The following RAD51D variants were observed in gnomAD, a reference collection of about 807,000 sequenced individuals.
The protein encoded by RAD51D is DNA repair protein RAD51 homolog 4.
RAD51D carries 38 observed loss-of-function variants against 44.1 expected under a neutral mutation model. The observed-to-expected ratio is 0.86, with a 90% CI of 0.67 to 1.13. RAD51D has a LOEUF of 1.13. RAD51D is among the 50% of genes most tolerant of loss of function. RAD51D has a pLI of 0.00. For synonymous variants in RAD51D, 141 were observed against 166.6 expected (o/e 0.85, Z 1.18); for missense variants, 390 against 414.0 (o/e 0.94, Z 0.50).
At chr17:35,117,078 C>T in intron 3 of RAD51D, 1 of 1,576,098 alleles carries the variant, frequency 6.3e-7, no homozygotes, top group Non-Finnish European at 8.6e-7. Flanking sequence ...GGCCAATCGG[C>T]TTCCTGTTCA....
chr17:35,097,196 T>C lies in RAD51D; in HGVS notation c.*3757A>G, dbSNP rs62062402. ...GTACAGTGGCACAATCTCGGCTCAC[T>C]GCAACCTCCATCTCCCAGGTTCAAG... On this transcript the variant is annotated 3_prime_UTR_variant, in exon 10 of 10. Coordinates refer to ENST00000345365, the MANE Select transcript of RAD51D (RefSeq NM_002878.4). 20,115 of 152,128 alleles carry C rather than the reference T, an allele frequency of 0.13. 1,450 individuals are homozygous for C. The highest frequency in any genetic ancestry group is 0.2 in the South Asian group (967 of 4,806). The allele number at this position is 152,128 out of a possible 1,614,324, so 9.4% of individuals were successfully genotyped here. A position where few individuals can be genotyped will look rare whatever the true frequency, so the allele number is the denominator to read the frequency against.
chr17:35,108,360 T>C (rs940911336), intron 3 of RAD51D, among the ~76,000 whole-genome samples: 3 of 151,840 alleles, frequency 2.0e-5, no homozygotes, highest in East Asian at 4.0e-4. Flanking sequence ...ACCTTAATAA[T>C]AACAACTGTA....
chr17:35,117,635 G>A (rs1051390522), intron 3 of RAD51D, among the ~76,000 whole-genome samples: 1 of 152,072 alleles, frequency 6.6e-6, no homozygotes, highest in Non-Finnish European at 1.5e-5. Context: ...GACTACAGGC[G>A]CCCGCCACCA....
rs786203974 is a variant in RAD51D at position 35,100,961 on chromosome 17, G to A, written c.979C>T (p.Gln327Ter). 6.2e-7 allele frequency: 1 copy of A among 1,611,816 alleles called. No individual in the cohort carries two copies. The highest frequency in any genetic ancestry group is 8.5e-7 in the Non-Finnish European group (1 of 1,177,934). Residue 327 changes from glutamine to a stop codon, truncating the protein, a stop_gained, in exon 10 of 10, where the codon CAG (glutamine) becomes TAG (stop). Transcript: ENST00000345365. LOFTEE classifies it high-confidence loss of function. ...CCAAACAACAGCACAGGTCATGTCT[G>A]ATCACCCTGTAATGTGGCACTCTGC... Reference protein sequence around the residue: ...SEQSATLQGDQT With the variant: ...SEQSATLQGD
rs1567728722 is a variant in RAD51D at position 35,107,409 on chromosome 17, T to A, written c.302A>T (p.Glu101Val). 1 of 1,565,376 alleles carries A rather than the reference T, an allele frequency of 6.4e-7. No individual in the cohort carries two copies. The highest frequency in any genetic ancestry group is 8.8e-7 in the Non-Finnish European group (1 of 1,135,934). ...KLLDAGLYTG[E>V]VTEIVGGPGS... Reference sequence around the variant, plus strand: ...TGGGCCTCCTACAATTTCAGTCACTTCTCCAGTATAGAGACCAGCATCAAG... The same window carrying A: ...TGGGCCTCCTACAATTTCAGTCACTACTCCAGTATAGAGACCAGCATCAAG... Residue 101 changes from glutamate (E) to valine (V), a missense_variant, in exon 4 of 10, where the codon GAA (glutamate) becomes GTA (valine). Coordinates refer to ENST00000345365, the MANE Select transcript of RAD51D (RefSeq NM_002878.4).
intron 3 of RAD51D, among the ~76,000 whole-genome samples, chr17:35,115,769 C>T (rs1382602120): frequency 6.6e-6 from 1 of 151,762 alleles, no homozygotes; most frequent in Non-Finnish European, 1.5e-5. Flanking sequence ...ACTCGGGAGG[C>T]TGAGTCAGGA....
rs768513616 is a variant in RAD51D at position 35,103,899 on chromosome 17, G to A, written c.577-355C>T. Among the ~76,000 whole-genome samples the A allele has an allele frequency of 1.2e-4, 19 of 152,148 alleles. No individual in the cohort carries two copies. Among genetic ancestry groups the A allele is most frequent in the Non-Finnish European group, 2.2e-4 (15 of 68,038 alleles). On this transcript the variant is annotated intron_variant, in intron 6 of 9. Transcript: ENST00000345365. The surrounding 1 kb of genome is among the most constrained non-coding windows in gnomAD (Gnocchi z 4.1). ...TCGAGACCAGCCTGGCCAACATGGT[G>A]AAACCCCGTCTCCACTAAACATACA...
chr17:35,100,949 C>T lies in RAD51D; in HGVS notation c.*4G>A, dbSNP rs876659026. On this transcript the variant is annotated 3_prime_UTR_variant, in exon 10 of 10. Transcript: ENST00000345365. ...CTTCCCTGTTTCCCAAACAACAGCACAGGTCATGTCTGATCACCCTGTAAT... is the reference window on the plus strand; with the variant it reads ...CTTCCCTGTTTCCCAAACAACAGCATAGGTCATGTCTGATCACCCTGTAAT... 1.9e-6 allele frequency: 3 copies of T among 1,609,908 alleles called. No individual in the cohort carries two copies. The highest frequency in any genetic ancestry group is 2.6e-6 in the Non-Finnish European group (3 of 1,176,366).
intron 3 of RAD51D, among the ~76,000 whole-genome samples, chr17:35,109,090 C>T (rs1445026195): frequency 3.3e-5 from 5 of 152,114 alleles, no homozygotes; most frequent in Non-Finnish European, 7.4e-5. Flanking sequence ...TGGTCTGGAA[C>T]TCCTGACCTC....
At chr17:35,110,878 G>T (rs1372642322) in intron 3 of RAD51D, among the ~76,000 whole-genome samples, 1 of 152,118 alleles carries the variant, frequency 6.6e-6, no homozygotes, top group East Asian at 1.9e-4. Flanking sequence ...AGGCCGAGGC[G>T]GGCGATCACC....
chr17:35,107,700 T>A (rs1178699213), intron 3 of RAD51D, among the ~76,000 whole-genome samples: 1 of 150,912 alleles, frequency 6.6e-6, no homozygotes, highest in Non-Finnish European at 1.5e-5. Flanking sequence ...ATCAGAAGGT[T>A]CTCCCTTCAT....
chr17:35,112,953 T>G (rs534293623), intron 3 of RAD51D, among the ~76,000 whole-genome samples: 1 of 152,096 alleles, frequency 6.6e-6, no homozygotes, highest in Non-Finnish European at 1.5e-5. Context: ...AACAGAAAGG[T>G]GCTATCACTT....
intron 3 of RAD51D, among the ~76,000 whole-genome samples, chr17:35,117,438 A>G (rs2091763363): frequency 6.6e-6 from 1 of 152,142 alleles, no homozygotes; most frequent in South Asian, 2.1e-4. Context: ...TGGCCAGCAA[A>G]CGTCTGTCGT....
At chr17:35,116,144 C>T (rs1230519866) in intron 3 of RAD51D, among the ~76,000 whole-genome samples, 1 of 152,114 alleles carries the variant, frequency 6.6e-6, no homozygotes, top group Non-Finnish European at 1.5e-5. Flanking sequence ...ATACATTCCT[C>T]CTGGTAGTAG....
chr17:35,110,620 G>A (rs962465513), intron 3 of RAD51D, among the ~76,000 whole-genome samples: 4 of 152,160 alleles, frequency 2.6e-5, no homozygotes, highest in African/African-American at 9.7e-5. Flanking sequence ...TATATTTTTA[G>A]CCTATGATGT....
chr17:35,109,671 CT>C (rs879941380), intron 3 of RAD51D, among the ~76,000 whole-genome samples: 125 of 145,044 alleles, frequency 8.6e-4, no homozygotes, highest in Non-Finnish European at 7.8e-4. Flanking sequence ...TAGTGTTGAA[CT>C]TTTTTTTTTT....
In RAD51D at chr17:35,103,750, TAGAA is replaced by T. The variant is rs920992634; in HGVS notation, c.577-210_577-207del. Among the ~76,000 whole-genome samples, 2 of 152,078 alleles carry T rather than the reference TAGAA, an allele frequency of 1.3e-5. No individual in the cohort carries two copies. Among genetic ancestry groups the T allele is most frequent in the East Asian group, 3.9e-4 (2 of 5,192 alleles). On this transcript the variant is annotated intron_variant, in intron 6 of 9. Coordinates refer to ENST00000345365, the MANE Select transcript of RAD51D (RefSeq NM_002878.4). The surrounding 1 kb of genome is among the most constrained non-coding windows in gnomAD (Gnocchi z 4.1). Reference sequence around the variant, plus strand: ...TAACAGACTTCAATGAAGACTTGGGTAGAAAGAAAGGGTTTAAATCACAGGACAT... The same window carrying T: ...TAACAGACTTCAATGAAGACTTGGGTAGAAAGGGTTTAAATCACAGGACAT...
In RAD51D at chr17:35,103,418, C is replaced by T. The variant is rs2142419784; in HGVS notation, c.667+36G>A. 1 of 1,611,438 alleles carries T rather than the reference C, an allele frequency of 6.2e-7. No homozygotes were observed. Among genetic ancestry groups the T allele is most frequent in the Non-Finnish European group, 8.5e-7 (1 of 1,177,528 alleles). On this transcript the variant is annotated intron_variant, in intron 7 of 9. Transcript: ENST00000345365. The surrounding 1 kb of genome is among the most constrained non-coding windows in gnomAD (Gnocchi z 4.1). ...ACTCCAGAGCTGGGAGGCGAGGTCA[C>T]ATTCCACTGGCCCCAGGCTCTGCCA...
rs551265480 is a variant in RAD51D at position 35,118,997 on chromosome 17, G to A, written c.144+114C>T. 857 of 973,480 alleles carry A rather than the reference G, an allele frequency of 8.8e-4. 2 individuals are homozygous for A. Among genetic ancestry groups the A allele is most frequent in the Non-Finnish European group, 1.2e-3 (749 of 607,358 alleles). The allele number at this position is 973,480 out of a possible 1,614,324, so 60.3% of individuals were successfully genotyped here. On this transcript the variant is annotated intron_variant, in intron 2 of 9. Coordinates refer to ENST00000345365, the MANE Select transcript of RAD51D (RefSeq NM_002878.4). ...ACTTCTGACTCCAAGTGACCCACCC[G>A]CCTCGGCCTCCCAAAGTGCTGGGAT...
Sources: allele counts gnomAD v4.1 joint callset (sites outside exome capture counted in the v4.1 genomes callset), GRCh38; gene constraint gnomAD v4.1.1; non-coding constraint Gnocchi (gnomAD v3.1); transcripts MANE v1.5; gene names NCBI Gene and HGNC (gene_info 2026-07-23, HGNC 2026-07-21).